BICD1: variants seen among roughly 807,000 people sequenced by gnomAD.
BICD1 encodes the protein BICD cargo adaptor 1.
In BICD1, 35 loss-of-function variants were observed where a neutral mutation model predicts 92.5. The observed-to-expected ratio is 0.38, with a 90% confidence interval of 0.29 to 0.50. BICD1 has a LOEUF of 0.50. Ranked by LOEUF, BICD1 falls within the 20% of genes least tolerant of loss-of-function variation. BICD1 has a pLI of 0.93. For synonymous variants in BICD1, 429 were observed against 465.1 expected, an observed-to-expected ratio of 0.92 and a Z score of 1.00; for missense variants, 950 against 1,189.8, an observed-to-expected ratio of 0.80 and a Z score of 2.97.
intron 1 of BICD1, among the ~76,000 whole-genome samples, chr12:32,167,495 G>A (rs973803957): frequency 2.6e-5 from 4 of 151,630 alleles, no homozygotes; most frequent in African/African-American, 9.7e-5. Context: ...TTGCACTGTC[G>A]CCCAGGCTGG....
At chr12:32,180,871 C>T (rs996924118) in intron 1 of BICD1, among the ~76,000 whole-genome samples, 4 of 151,940 alleles carry the variant, frequency 2.6e-5, no homozygotes, top group Non-Finnish European at 5.9e-5. Context: ...ACTCCTCGCC[C>T]ATCTGTATCC....
intron 8 of BICD1, among the ~76,000 whole-genome samples, chr12:32,351,469 C>T (rs1369066129): frequency 1.1e-5 from 1 of 88,430 alleles, no homozygotes; most frequent in Admixed American, 1.9e-4. Flanking sequence ...GCCTGGGCAA[C>T]AGAGCAAGAC....
chr12:32,221,871 C>T (rs895568916), intron 2 of BICD1, among the ~76,000 whole-genome samples: 2 of 151,858 alleles, frequency 1.3e-5, no homozygotes, highest in African/African-American at 4.8e-5. Flanking sequence ...TTGGTAAGAG[C>T]ATAAAGAAAG....
At chr12:32,364,052 A>G (rs1386580382) in intron 8 of BICD1, among the ~76,000 whole-genome samples, 3 of 152,114 alleles carry the variant, frequency 2.0e-5, no homozygotes, top group Admixed American at 6.6e-5. Context: ...TCACACTTCA[A>G]TGTAGTTGCT....
chr12:32,251,452 T>A (rs1179375657), intron 2 of BICD1, among the ~76,000 whole-genome samples: 1 of 151,298 alleles, frequency 6.6e-6, no homozygotes, highest in African/African-American at 2.4e-5. Context: ...AATTAAGGCA[T>A]CAGCAGGACT....
chr12:32,117,681 C>CAT (rs59928422), intron 1 of BICD1, among the ~76,000 whole-genome samples: 55,576 of 136,712 alleles, frequency 0.41, 11,549 homozygotes, highest in Admixed American at 0.54. Flanking sequence ...TACGCTTAGT[C>CAT]ATATATATAT....
rs74893699 is a variant in BICD1 at position 32,110,362 on chromosome 12, T to C, written c.213+2818T>C. Among the ~76,000 whole-genome samples, 1,005 of 152,356 alleles carry C rather than the reference T, an allele frequency of 6.6e-3. 9 individuals are homozygous for C. The highest frequency in any genetic ancestry group is 0.023 in the African/African-American group (975 of 41,578). On this transcript the variant is annotated intron_variant, in intron 1 of 9. Coordinates refer to ENST00000652176, the MANE Select transcript of BICD1 (RefSeq NM_001714.4). ...TTGTTTAGTGCTCTGCATGGACTAC[T>C]GTAATTCAGCTCACAGAAGAACACA... is the stretch of plus-strand genomic sequence containing the variant.
At position 32,270,238 on chromosome 12, in the gene BICD1, TATA is replaced by T. The variant is rs200947632; in HGVS notation, c.427-23751_427-23749del. Among the ~76,000 whole-genome samples the T allele has an allele frequency of 6.3e-3, 962 of 151,914 alleles. 7 individuals are homozygous for T. Among genetic ancestry groups the T allele is most frequent in the Non-Finnish European group, 9.3e-3 (629 of 67,984 alleles). On this transcript the variant is annotated intron_variant, in intron 2 of 9. Coordinates refer to ENST00000652176, the MANE Select transcript of BICD1 (RefSeq NM_001714.4). ...TGGTATATGAATAGTAATAAAATAA[TATA>T]ATAAGATGTATCTCCAAAATCTGAA...
intron 2 of BICD1, among the ~76,000 whole-genome samples, chr12:32,260,178 G>A (rs1482207503): frequency 2.6e-5 from 4 of 152,226 alleles, no homozygotes; most frequent in South Asian, 2.1e-4. Flanking sequence ...ACCCGCCTCC[G>A]CCTCCCAAAG....
Position 32,346,614 on chromosome 12 carries a change from GTGTA to G in BICD1, c.2764+7637_2764+7640del. On this transcript the variant is annotated intron_variant, in intron 8 of 9. Transcript: ENST00000652176. Reference sequence around the variant, plus strand: ...TATATATATATATATATATATATACGTGTATATATATATATATATACGTGTATAT... The same window carrying G: ...TATATATATATATATATATATATACGTATATATATATATATACGTGTATAT... Among the ~76,000 whole-genome samples the G allele has an allele frequency of 3.8e-3, 3 of 780 alleles. 1 individual carries two copies. The highest frequency in any genetic ancestry group is 7.3e-3 in the Non-Finnish European group (2 of 274). 0.5% of individuals were successfully genotyped at this position (780 alleles called of 152,430 possible).
At chr12:32,335,449 T>C (rs116045643) in intron 6 of BICD1, among the ~76,000 whole-genome samples, 1 of 151,858 alleles carries the variant, frequency 6.6e-6, no homozygotes, top group Non-Finnish European at 1.5e-5. Flanking sequence ...CGCGCCCGGC[T>C]GTATTTTGTG....
At chr12:32,212,125 A>G (rs934870862) in intron 1 of BICD1, among the ~76,000 whole-genome samples, 8 of 152,300 alleles carry the variant, frequency 5.3e-5, no homozygotes, top group Middle Eastern at 6.8e-3. Context: ...TTTCTGTCTC[A>G]CTGATGCTTA....
intron 2 of BICD1, among the ~76,000 whole-genome samples, chr12:32,258,095 A>G (rs1016639681): frequency 6.6e-6 from 1 of 152,202 alleles, no homozygotes; most frequent in Non-Finnish European, 1.5e-5. Flanking sequence ...GCTTTAGTAG[A>G]GACTGCCAAA....
At position 32,117,735 on chromosome 12, in the gene BICD1, C is replaced by T. The variant is rs75112908; in HGVS notation, c.213+10191C>T. Among the ~76,000 whole-genome samples, 964 of 134,478 alleles carry T rather than the reference C, an allele frequency of 7.2e-3. 8 individuals carry two copies. The highest frequency in any genetic ancestry group is 0.021 in the African/African-American group (760 of 36,142). The allele number at this position is 134,478 out of a possible 152,430, so 88.2% of individuals were successfully genotyped here. ...ATACACACACACACACACACACACA[C>T]ATATATATATATATATATATATATT... On this transcript the variant is annotated intron_variant, in intron 1 of 9. Coordinates refer to ENST00000652176, the MANE Select transcript of BICD1 (RefSeq NM_001714.4).
chr12:32,155,368 T>G (rs547113468), intron 1 of BICD1, among the ~76,000 whole-genome samples: 1 of 152,328 alleles, frequency 6.6e-6, no homozygotes, highest in East Asian at 1.9e-4. Context: ...AAAAGGAGAA[T>G]TTCAGCTGTC....
At position 32,117,087 on chromosome 12, in the gene BICD1, C is replaced by T. The variant is rs760296946; in HGVS notation, c.213+9543C>T. 2.0e-4 allele frequency among the ~76,000 whole-genome samples: 31 copies of T among 152,230 alleles called. 1 individual carries two copies. In the Middle Eastern group the frequency reaches 0.027, roughly 135 times the overall value. On this transcript the variant is annotated intron_variant, in intron 1 of 9. Transcript: ENST00000652176. ...AGTCACTGGGAGCCAGATTTTGGAT[C>T]AAAATAAATCACTTTCTGACAAGTG...
At chr12:32,173,071 C>CA (rs1360074242) in intron 1 of BICD1, among the ~76,000 whole-genome samples, 1 of 150,668 alleles carries the variant, frequency 6.6e-6, no homozygotes, top group Non-Finnish European at 1.5e-5. Context: ...TTTTTGGAGA[C>CA]AGCGTCTCAC....
At chr12:32,158,109 T>TC (rs1361918082) in intron 1 of BICD1, among the ~76,000 whole-genome samples, 6 of 149,568 alleles carry the variant, frequency 4.0e-5, no homozygotes, top group Admixed American at 3.3e-4. Context: ...TTTTTTTCTT[T>TC]TTTTTTTTTT....
chr12:32,245,247 T>TG lies in BICD1; in HGVS notation c.426+28788_426+28789insG, dbSNP rs1468255963. Reference sequence around the variant, plus strand: ...GGAATCAAAGAGCTTAGTTTTGTTTTTTGTTTTTTTTTTTTTTGAGACGGA... The same window carrying TG: ...GGAATCAAAGAGCTTAGTTTTGTTTTGTTGTTTTTTTTTTTTTTGAGACGGA... On this transcript the variant is annotated intron_variant, in intron 2 of 9. Transcript: ENST00000652176. Among the ~76,000 whole-genome samples the TG allele has an allele frequency of 7.4e-5, 9 of 121,398 alleles. No homozygotes were observed. The East Asian group carries it at 1.5e-3, about 20-fold the overall frequency. The allele number at this position is 121,398 out of a possible 152,430, so 79.6% of individuals were successfully genotyped here. A position where few individuals can be genotyped will look rare whatever the true frequency, so the allele number is the denominator to read the frequency against.
Sources: allele counts gnomAD v4.1 joint callset (sites outside exome capture counted in the v4.1 genomes callset), GRCh38; gene constraint gnomAD v4.1.1; transcripts MANE v1.5; gene names NCBI Gene and HGNC (gene_info 2026-07-23, HGNC 2026-07-21).